Variants in CMPK1 observed in about 807,000 individuals in gnomAD.
CMPK1 encodes UMP-CMP kinase.
CMPK1 carries 10 observed loss-of-function variants against 25.7 expected under a neutral mutation model. That is an observed-to-expected ratio of 0.39 (90% CI 0.24 to 0.66). The LOEUF (loss-of-function observed/expected upper bound fraction) is 0.66, where lower values mean the gene tolerates loss of function less well. Among genes scored for constraint, CMPK1 ranks in the 30% least tolerant of loss-of-function variants. The pLI, the probability that CMPK1 is intolerant of heterozygous loss-of-function variation, is 0.48. For missense variants in CMPK1, 199 were observed against 280.5 expected, an observed-to-expected ratio of 0.71 and a Z score of 2.08; for synonymous variants, 106 against 101.5, an observed-to-expected ratio of 1.04 and a Z score of -0.27.
At chr1:47,369,906 T>A (rs1570379578) in intron 2 of CMPK1, among the ~76,000 whole-genome samples, 1 of 92,072 alleles carries the variant, frequency 1.1e-5, no homozygotes, top group Non-Finnish European at 2.3e-5. Flanking sequence ...CTTCTTTCTC[T>A]CTCTTTTTTT....
At chr1:47,368,205 A>G (rs1188302581) in intron 1 of CMPK1, among the ~76,000 whole-genome samples, 2 of 152,104 alleles carry the variant, frequency 1.3e-5, no homozygotes, top group East Asian at 3.9e-4. Flanking sequence ...CAGCCTCCCA[A>G]ATTGTTGGGA....
intron 1 of CMPK1, among the ~76,000 whole-genome samples, chr1:47,355,607 C>T (rs1646555004): frequency 6.6e-6 from 1 of 151,582 alleles, no homozygotes; most frequent in Non-Finnish European, 1.5e-5. Context: ...GCCATCATGC[C>T]CGGCCTTTTT....
intron 1 of CMPK1, 30 bp downstream of exon 1, chr1:47,334,146 G>A: frequency 6.9e-7 from 1 of 1,449,924 alleles, no homozygotes; most frequent in Non-Finnish European, 9.2e-7. Context: ...CGGGCTCCTT[G>A]GGGCTTGACG....
chr1:47,335,308 A>G (rs1306797866), intron 1 of CMPK1, among the ~76,000 whole-genome samples: 1 of 152,206 alleles, frequency 6.6e-6, no homozygotes, highest in Non-Finnish European at 1.5e-5. Flanking sequence ...AGATGAGTTC[A>G]ACAAGTCATT....
intron 1 of CMPK1, among the ~76,000 whole-genome samples, chr1:47,365,834 A>G (rs897179628): frequency 5.3e-5 from 8 of 152,078 alleles, no homozygotes; most frequent in African/African-American, 1.9e-4. Flanking sequence ...TTAAAGGAAA[A>G]ATTTCAGTTA....
intron 1 of CMPK1, among the ~76,000 whole-genome samples, chr1:47,360,391 T>C (rs59697055): frequency 0.01 from 1,580 of 152,292 alleles, 37 homozygotes; most frequent in African/African-American, 0.037. Context: ...TCAGATGCTA[T>C]AATCCTCTAT....
At chr1:47,364,290 T>TTTTG (rs569115078) in intron 1 of CMPK1, among the ~76,000 whole-genome samples, 199 of 152,204 alleles carry the variant, frequency 1.3e-3, no homozygotes, top group African/African-American at 4.6e-3. Context: ...TATATATATT[T>TTTTG]TTTGTTTGTT....
Position 47,374,942 on chromosome 1 carries a change from A to T in CMPK1, c.505A>T (p.Ser169Cys). 6.2e-7 allele frequency: 1 copy of T among 1,613,314 alleles called. No homozygotes were observed. The highest frequency in any genetic ancestry group is 8.5e-7 in the Non-Finnish European group (1 of 1,179,532). The change falls in exon 4 of 6, where the codon AGT becomes TGT. Residue 169 changes from serine to cysteine, a missense_variant. Around this residue, in one of 2 missense-constraint regions of CMPK1, gnomAD observed 140 missense variants for 235.5 expected, o/e 0.59. Coordinates refer to ENST00000371873, the MANE Select transcript of CMPK1 (RefSeq NM_016308.3). Reference protein sequence around the residue: ...CIERCLERGKSSGRSDDNRES... With the variant: ...CIERCLERGKCSGRSDDNRES... ...TGAACGATGTCTTGAGAGGGGAAAG[A>T]GTAGTGGTAGGAGTGATGACAACAG...
intron 1 of CMPK1, among the ~76,000 whole-genome samples, chr1:47,355,085 C>T (rs368137117): frequency 4.0e-5 from 6 of 151,226 alleles, no homozygotes; most frequent in Admixed American, 3.3e-4. Context: ...GAATCTTTGT[C>T]GCTCAGGTTG....
At chr1:47,363,831 T>A (rs1377159252) in intron 1 of CMPK1, among the ~76,000 whole-genome samples, 2 of 151,948 alleles carry the variant, frequency 1.3e-5, no homozygotes, top group South Asian at 4.2e-4. Flanking sequence ...TAGTCCCAGC[T>A]CCTCGGGACG....
intron 1 of CMPK1, among the ~76,000 whole-genome samples, chr1:47,349,341 G>C (rs1044665742): frequency 6.6e-6 from 1 of 152,204 alleles, no homozygotes; most frequent in Non-Finnish European, 1.5e-5. Flanking sequence ...TCAAGTGCCA[G>C]ATTTCTTTCC....
At chr1:47,373,423 C>A in intron 3 of CMPK1, 1 of 176,204 alleles carries the variant, frequency 5.7e-6, no homozygotes, top group Non-Finnish European at 1.2e-5. Flanking sequence ...ACATTATTAT[C>A]AAAGAGTATT....
chr1:47,344,913 C>CATTT (rs780339668), intron 1 of CMPK1, among the ~76,000 whole-genome samples: 8 of 151,984 alleles, frequency 5.3e-5, no homozygotes, highest in Non-Finnish European at 7.4e-5. Context: ...ACACGTTTTT[C>CATTT]ATTTATTTAT....
intron 1 of CMPK1, among the ~76,000 whole-genome samples, chr1:47,341,434 T>A (rs1413677536): frequency 2.0e-5 from 3 of 152,120 alleles, no homozygotes. Flanking sequence ...CTTGGCACTC[T>A]CTTGTCTCAC....
intron 1 of CMPK1, among the ~76,000 whole-genome samples, chr1:47,354,625 C>T (rs1280989669): frequency 6.1e-5 from 7 of 114,488 alleles, no homozygotes; most frequent in Non-Finnish European, 1.0e-4. Flanking sequence ...TTTTGCTTAG[C>T]AGTGTATCTT....
intron 1 of CMPK1, among the ~76,000 whole-genome samples, chr1:47,367,566 G>A (rs968902836): frequency 6.6e-6 from 1 of 152,130 alleles, no homozygotes; most frequent in Non-Finnish European, 1.5e-5. Flanking sequence ...CATATTTATT[G>A]TATACTTGGA....
intron 1 of CMPK1, among the ~76,000 whole-genome samples, chr1:47,344,605 T>C (rs1450400438): frequency 6.6e-6 from 1 of 151,930 alleles, no homozygotes; most frequent in African/African-American, 2.4e-5. Flanking sequence ...TTCAAGCGAT[T>C]CTCCTGCCTC....
chr1:47,343,507 CAA>C (rs10717198), intron 1 of CMPK1, among the ~76,000 whole-genome samples: 76 of 143,248 alleles, frequency 5.3e-4, no homozygotes, highest in South Asian at 1.6e-3. Flanking sequence ...GACTCCGTCT[CAA>C]AAAAAAAAAA....
At chr1:47,352,336 G>A (rs1646528606) in intron 1 of CMPK1, among the ~76,000 whole-genome samples, 1 of 152,012 alleles carries the variant, frequency 6.6e-6, no homozygotes, top group Non-Finnish European at 1.5e-5. Context: ...TTTAAATTTT[G>A]AGGAGATCTT....
Sources: allele counts gnomAD v4.1 joint callset (sites outside exome capture counted in the v4.1 genomes callset), GRCh38; gene constraint gnomAD v4.1.1; regional missense constraint gnomAD v4.1.1; transcripts MANE v1.5; gene names NCBI Gene and HGNC (gene_info 2026-07-23, HGNC 2026-07-21).